PRTFDC1: variants seen among roughly 807,000 people sequenced by gnomAD.
PRTFDC1 encodes the protein phosphoribosyltransferase domain-containing protein 1.
In PRTFDC1, 38 loss-of-function variants were observed where a neutral mutation model predicts 34.6. That is an observed-to-expected ratio of 1.10 (90% CI 0.85 to 1.44). The LOEUF (loss-of-function observed/expected upper bound fraction) is 1.44. PRTFDC1 is among the 40% of genes most tolerant of loss of function. The pLI is 0.00. For synonymous variants in PRTFDC1, 93 were observed against 98.1 expected, an observed-to-expected ratio of 0.95 and a Z score of 0.31; for missense variants, 270 against 283.0, an observed-to-expected ratio of 0.95 and a Z score of 0.33.
intron 3 of PRTFDC1, among the ~76,000 whole-genome samples, chr10:24,876,610 C>G (rs1283937609): frequency 6.6e-6 from 1 of 152,054 alleles, no homozygotes; most frequent in Non-Finnish European, 1.5e-5. Flanking sequence ...AGGAGAATCG[C>G]TTGAACCTGG....
At chr10:24,940,388 CAATTG>C (rs968830503) in intron 2 of PRTFDC1, among the ~76,000 whole-genome samples, 1 of 152,048 alleles carries the variant, frequency 6.6e-6, no homozygotes, top group African/African-American at 2.4e-5. Flanking sequence ...AGAAGATGAA[CAATTG>C]AATTTAAAAA....
rs1847448817 is a variant in PRTFDC1 at position 24,849,686 on chromosome 10, T to C, written c.*158A>G. 4.7e-6 allele frequency: 3 copies of C among 639,960 alleles called. No homozygotes were observed. Among genetic ancestry groups the C allele is most frequent in the Non-Finnish European group, 5.5e-6 (2 of 363,228 alleles). 39.6% of individuals were successfully genotyped at this position (639,960 alleles called of 1,614,324 possible). A position where few individuals can be genotyped will look rare whatever the true frequency, so the allele number is the denominator to read the frequency against. Reference sequence around the variant, plus strand: ...CCTTAGGAACCTTTGATACTCTTTATATTAACCTCAGAAAAGAAAGCTCTC... The same window carrying C: ...CCTTAGGAACCTTTGATACTCTTTACATTAACCTCAGAAAAGAAAGCTCTC... On this transcript the variant is annotated 3_prime_UTR_variant, in exon 9 of 9. Coordinates refer to ENST00000320152, the MANE Select transcript of PRTFDC1 (RefSeq NM_020200.7).
intron 2 of PRTFDC1, 110 bp downstream of exon 2, chr10:24,942,220 C>A (rs774326734): frequency 3.7e-6 from 3 of 820,934 alleles, no homozygotes; most frequent in South Asian, 1.6e-5. Context: ...GTTCTCTCTA[C>A]CACTATAAAA....
At chr10:24,932,250 A>G (rs1848983436) in intron 3 of PRTFDC1, among the ~76,000 whole-genome samples, 1 of 151,982 alleles carries the variant, frequency 6.6e-6, no homozygotes, top group Non-Finnish European at 1.5e-5. Flanking sequence ...AAACAAGGCA[A>G]GGATGTTTTC....
chr10:24,871,476 G>A (rs1295325607), intron 4 of PRTFDC1, among the ~76,000 whole-genome samples: 1 of 152,108 alleles, frequency 6.6e-6, no homozygotes, highest in African/African-American at 2.4e-5. Context: ...GTTAAAACTG[G>A]AGGTGTTCTT....
intron 2 of PRTFDC1, among the ~76,000 whole-genome samples, 186 bp from the exon 3 acceptor site, chr10:24,937,553 TG>T (rs1244065582): frequency 1.0e-5 from 1 of 99,384 alleles, no homozygotes; most frequent in Non-Finnish European, 2.1e-5. Context: ...CAAAACATAC[TG>T]CTTTTTTTTT....
intron 3 of PRTFDC1, among the ~76,000 whole-genome samples, chr10:24,901,112 A>G (rs936611792): frequency 1.3e-4 from 20 of 152,372 alleles, no homozygotes; most frequent in African/African-American, 4.8e-4. Flanking sequence ...AATCTAACAG[A>G]AAATTGTGTC....
intron 2 of PRTFDC1, among the ~76,000 whole-genome samples, chr10:24,941,062 T>G (rs10828729): frequency 0.36 from 52,231 of 144,402 alleles, 10,182 homozygotes; most frequent in Middle Eastern, 0.53. Flanking sequence ...GTGTGTGTGT[T>G]TGTGTGTTTG....
chr10:24,897,587 T>A (rs1438328476), intron 3 of PRTFDC1, among the ~76,000 whole-genome samples: 1 of 152,170 alleles, frequency 6.6e-6, no homozygotes, highest in African/African-American at 2.4e-5. Context: ...GTCCCCAGCA[T>A]GACACTCCAC....
At chr10:24,932,906 T>C (rs1172457416) in intron 3 of PRTFDC1, among the ~76,000 whole-genome samples, 1 of 152,090 alleles carries the variant, frequency 6.6e-6, no homozygotes, top group Non-Finnish European at 1.5e-5. Flanking sequence ...ATCAAAGCAG[T>C]GACAATGTAG....
intron 4 of PRTFDC1, among the ~76,000 whole-genome samples, chr10:24,860,284 G>A (rs1312832030): frequency 6.6e-6 from 1 of 152,166 alleles, no homozygotes; most frequent in Non-Finnish European, 1.5e-5. Context: ...AGGAGGCTGA[G>A]GCGGGAGAAT....
At chr10:24,893,421 T>A (rs1309286515) in intron 3 of PRTFDC1, among the ~76,000 whole-genome samples, 1 of 152,158 alleles carries the variant, frequency 6.6e-6, no homozygotes, top group Non-Finnish European at 1.5e-5. Flanking sequence ...CCCAAGTAGC[T>A]GGGACTACAG....
At chr10:24,862,509 G>A (rs1240048321) in intron 4 of PRTFDC1, among the ~76,000 whole-genome samples, 2 of 151,968 alleles carry the variant, frequency 1.3e-5, no homozygotes, top group Non-Finnish European at 2.9e-5. Flanking sequence ...CGAGTAGCTG[G>A]GATTACAAGT....
At chr10:24,866,400 G>A (rs1847778124) in intron 4 of PRTFDC1, among the ~76,000 whole-genome samples, 1 of 151,224 alleles carries the variant, frequency 6.6e-6, no homozygotes, top group South Asian at 2.1e-4. Flanking sequence ...ACTTATTTGA[G>A]GGCAGGTTTG....
At chr10:24,879,856 G>A (rs988645891) in intron 3 of PRTFDC1, among the ~76,000 whole-genome samples, 7 of 152,050 alleles carry the variant, frequency 4.6e-5, no homozygotes, top group African/African-American at 1.2e-4. Flanking sequence ...TTCAGTTTCC[G>A]GTTCATTTAA....
At chr10:24,863,277 C>T (rs1027141894) in intron 4 of PRTFDC1, among the ~76,000 whole-genome samples, 2 of 152,164 alleles carry the variant, frequency 1.3e-5, no homozygotes, top group South Asian at 2.1e-4. Context: ...TAAAATGATG[C>T]TAAATCAACT....
intron 3 of PRTFDC1, chr10:24,908,666 C>T (rs1168794019): frequency 6.2e-7 from 1 of 1,608,390 alleles, no homozygotes; most frequent in Non-Finnish European, 8.5e-7. Flanking sequence ...GATGGTTGTC[C>T]TCTTCAACCG....
intron 3 of PRTFDC1, among the ~76,000 whole-genome samples, chr10:24,892,906 ATGT>A (rs1848289530): frequency 6.6e-6 from 1 of 152,166 alleles, no homozygotes; most frequent in Non-Finnish European, 1.5e-5. Context: ...GCCACATAAA[ATGT>A]TTGATTTTTA....
At chr10:24,933,395 A>G (rs1848997947) in intron 3 of PRTFDC1, among the ~76,000 whole-genome samples, 1 of 152,152 alleles carries the variant, frequency 6.6e-6, no homozygotes, top group Non-Finnish European at 1.5e-5. Context: ...CTCAAATACA[A>G]TAATAAGAAA....
Sources: allele counts gnomAD v4.1 joint callset (sites outside exome capture counted in the v4.1 genomes callset), GRCh38; gene constraint gnomAD v4.1.1; transcripts MANE v1.5; gene names NCBI Gene and HGNC (gene_info 2026-07-23, HGNC 2026-07-21).